GSE1: variants seen among roughly 807,000 people sequenced by gnomAD.
GSE1 encodes the protein genetic suppressor element 1.
GSE1 carries 32 observed loss-of-function variants against 112.6 expected under a neutral mutation model. The ratio of observed to expected loss-of-function variants is 0.28; its 90% CI spans 0.21 to 0.38. The LOEUF (loss-of-function observed/expected upper bound fraction) is 0.38, where lower values mean the gene tolerates loss of function less well. GSE1 is among the 10% of genes least tolerant of loss of function. GSE1 has a pLI of 1.00. For synonymous variants in GSE1, 1,115 were observed against 735.6 expected (o/e 1.52, Z -8.35); for missense variants, 2,348 against 1,699.2 (o/e 1.38, Z -6.71).
chr16:85,572,357 A>C (rs1478999507), intron 1 of GSE1, among the ~76,000 whole-genome samples: 1 of 143,654 alleles, frequency 7.0e-6, no homozygotes, highest in African/African-American at 2.6e-5. Flanking sequence ...CACACAACAC[A>C]CAATCACACA....
chr16:85,461,781 T>C (rs12933191), intron 2 of GSE1, among the ~76,000 whole-genome samples: 58,318 of 151,862 alleles, frequency 0.38, 12,091 homozygotes, highest in African/African-American at 0.54. Flanking sequence ...CCTCACTAGA[T>C]CTCCTGCAGC....
At chr16:85,493,477 G>A (rs1376705408) in intron 2 of GSE1, among the ~76,000 whole-genome samples, 1 of 151,744 alleles carries the variant, frequency 6.6e-6, no homozygotes, top group Non-Finnish European at 1.5e-5. Flanking sequence ...GCTGTGGCCG[G>A]GCACAGTGGC....
At chr16:85,451,344 G>A (rs1283921732) in intron 2 of GSE1, among the ~76,000 whole-genome samples, 6 of 152,226 alleles carry the variant, frequency 3.9e-5, no homozygotes, top group East Asian at 1.9e-4. Flanking sequence ...AGGCGGAGGC[G>A]TTCAGTACAA....
At chr16:85,223,394 G>C (rs996908549) in intron 1 of GSE1, among the ~76,000 whole-genome samples, 1 of 151,716 alleles carries the variant, frequency 6.6e-6, no homozygotes, top group African/African-American at 2.4e-5. Context: ...GTAATGTCCT[G>C]AGCCTGTAAT....
chr16:85,431,447 C>A (rs1431079163), intron 2 of GSE1, among the ~76,000 whole-genome samples: 2 of 152,192 alleles, frequency 1.3e-5, no homozygotes, highest in Non-Finnish European at 2.9e-5. Flanking sequence ...CTTACGTTAC[C>A]GCGGGGCGAA....
At chr16:85,556,500 G>A (rs892812707) in intron 1 of GSE1, 7 of 191,454 alleles carry the variant, frequency 3.7e-5, no homozygotes, top group African/African-American at 4.8e-5. Flanking sequence ...GCAGACGCGC[G>A]CGGCCTCGGA....
rs141011460 is a variant in GSE1 at position 85,666,301 on chromosome 16, C to T, written c.3084C>T (p.His1028=). 58 of 1,613,874 alleles carry T rather than the reference C, an allele frequency of 3.6e-5. No individual in the cohort carries two copies. The highest frequency in any genetic ancestry group is 6.7e-5 in the African/African-American group (5 of 75,054). Residue 1028 remains histidine, a synonymous_variant, in exon 13 of 16, where the codon CAC becomes CAT. Transcript: ENST00000253458. The part of the protein sequence containing the change: ...FVAEEFAHQF[H]ESVLQSTQKA... The stretch of plus-strand genomic sequence containing the variant: ...CAGAAGAGTTTGCACATCAGTTCCA[C>T]GAGTCAGTGCTGCAGTCCACCCAGA...
At chr16:85,548,493 C>T (rs1356435152) in intron 2 of GSE1, among the ~76,000 whole-genome samples, 4 of 152,138 alleles carry the variant, frequency 2.6e-5, no homozygotes, top group Non-Finnish European at 5.9e-5. Flanking sequence ...TGAGATCATG[C>T]AGTGTTTGCC....
intron 2 of GSE1, among the ~76,000 whole-genome samples, chr16:85,427,683 T>A (rs1307979402): frequency 1.3e-5 from 2 of 151,384 alleles, no homozygotes; most frequent in Non-Finnish European, 2.9e-5. Flanking sequence ...AATACAAAAA[T>A]TAGCTGGGCG....
At chr16:85,212,816 C>A (rs916424663) in intron 1 of GSE1, among the ~76,000 whole-genome samples, 1 of 152,152 alleles carries the variant, frequency 6.6e-6, no homozygotes, top group Non-Finnish European at 1.5e-5. Flanking sequence ...CTTAATGATA[C>A]CTTATTGCTG....
At position 85,428,259 on chromosome 16, in the gene GSE1, C is replaced by T. The variant is rs187309096; in HGVS notation, c.2464+70616C>T. On this transcript the variant is annotated intron_variant, in intron 2 of 2. Transcript: ENST00000637419. ...CCAGCCCCGGCCCTGGGCTCCTGAC[C>T]TGGGCTTCCTGCACCACCCAGGATT... Among the ~76,000 whole-genome samples the T allele has an allele frequency of 7.2e-5, 11 of 152,302 alleles. No individual in the cohort carries two copies. The East Asian group carries it at 2.1e-3, about 29-fold the overall frequency.
chr16:85,566,822 G>A (rs1016800955), intron 1 of GSE1, among the ~76,000 whole-genome samples: 8 of 152,340 alleles, frequency 5.3e-5, no homozygotes, highest in East Asian at 1.9e-4. Context: ...AAGGGGGGCC[G>A]GCAGGGAACA....
chr16:85,297,609 C>T (rs2045404195), intron 1 of GSE1, among the ~76,000 whole-genome samples: 1 of 152,154 alleles, frequency 6.6e-6, no homozygotes, highest in Admixed American at 6.5e-5. Flanking sequence ...ATGTGATCCT[C>T]CAGTCTCAGC....
intron 2 of GSE1, among the ~76,000 whole-genome samples, chr16:85,536,156 A>T (rs2044319871): frequency 6.6e-6 from 1 of 152,196 alleles, no homozygotes; most frequent in Admixed American, 6.5e-5. Context: ...CTAGCGATTA[A>T]TGGGTTTTGG....
At chr16:85,371,292 G>T (rs924550454) in intron 2 of GSE1, among the ~76,000 whole-genome samples, 4 of 152,216 alleles carry the variant, frequency 2.6e-5, no homozygotes, top group Non-Finnish European at 5.9e-5. Flanking sequence ...AGTCCCCGGG[G>T]ATGGCCCCAC....
At chr16:85,282,480 A>G (rs1391875968) in intron 1 of GSE1, among the ~76,000 whole-genome samples, 2 of 152,032 alleles carry the variant, frequency 1.3e-5, no homozygotes, top group Non-Finnish European at 2.9e-5. Context: ...TGTTTTGGGG[A>G]CCCAGGGCAT....
intron 1 of GSE1, among the ~76,000 whole-genome samples, chr16:85,237,052 G>A (rs1234231173): frequency 1.3e-5 from 2 of 152,226 alleles, no homozygotes; most frequent in Non-Finnish European, 1.5e-5. Context: ...TGGGCTGGGC[G>A]CCGTGGCTCA....
Position 85,252,143 on chromosome 16 carries a change from G to A in GSE1, c.2283+80336G>A, listed in dbSNP as rs181376839. 2.5e-3 allele frequency among the ~76,000 whole-genome samples: 377 copies of A among 152,316 alleles called. 3 individuals carry two copies. The highest frequency in any genetic ancestry group is 8.3e-3 in the African/African-American group (345 of 41,562). On this transcript the variant is annotated intron_variant, in intron 1 of 2. Transcript: ENST00000637419. ...CGAAGCTTGGAAATGACGGAGCTTC[G>A]TACTGAGTAGATGCTCAGTAAACAT...
At position 85,674,066 on chromosome 16, in the gene GSE1, G is replaced by A. The variant is rs1348761025; in HGVS notation, c.*1527G>A. The A allele has an allele frequency of 6.6e-6, 1 of 152,284 alleles. No individual in the cohort carries two copies. The allele number at this position is 152,284 out of a possible 1,614,324, so 9.4% of individuals were successfully genotyped here. On this transcript the variant is annotated 3_prime_UTR_variant, in exon 16 of 16. Transcript: ENST00000253458. ...TTACTGCCTATGGAGGCAGTGTTTA[G>A]ATCAAGAAGGCCTCTCTTGCTCCCA...
Sources: allele counts gnomAD v4.1 joint callset (sites outside exome capture counted in the v4.1 genomes callset), GRCh38; gene constraint gnomAD v4.1.1; transcripts MANE v1.5; gene names NCBI Gene and HGNC (gene_info 2026-07-23, HGNC 2026-07-21).